CFAP47: variants seen among roughly 807,000 people sequenced by gnomAD.
CFAP47 encodes the protein cilia and flagella associated protein 47, also known as cilia- and flagella-associated protein 47.
CFAP47 carries 29 observed loss-of-function variants against 148.1 expected under a neutral mutation model. The observed-to-expected ratio is 0.20, with a 90% confidence interval of 0.15 to 0.27. The LOEUF (loss-of-function observed/expected upper bound fraction) is 0.27. CFAP47 is among the 10% of genes least tolerant of loss of function. The pLI, the probability that CFAP47 is intolerant of heterozygous loss-of-function variation, is 1.00. For missense variants in CFAP47, 1,872 were observed against 1,697.5 expected (o/e 1.10, Z -1.81); for synonymous variants, 664 against 577.3 (o/e 1.15, Z -2.15).
At chrX:36,142,131 T>C (rs1182216338) in intron 35 of CFAP47, among the ~76,000 whole-genome samples, 1 of 112,010 alleles carries the variant, frequency 8.9e-6, no homozygotes, top group Non-Finnish European at 1.9e-5. Context: ...TTATAGTATA[T>C]CATTATGTAC....
At chrX:36,308,962 G>A (rs1356344272) in intron 55 of CFAP47, among the ~76,000 whole-genome samples, 1 of 111,320 alleles carries the variant, frequency 9.0e-6, no homozygotes, top group Non-Finnish European at 1.9e-5. Context: ...TGATTAATTT[G>A]GTCAGGACAT....
At position 36,190,040 on chromosome X, in the gene CFAP47, T is replaced by C; in HGVS notation, c.6176-11T>C. The stretch of plus-strand genomic sequence containing the variant: ...ATTATATGTCAACAAGCTCTGTTTA[T>C]GTTTTGCTAGCAATTAAGTCCACTT... On this transcript the variant is annotated splice_polypyrimidine_tract_variant and intron_variant, in intron 41 of 63. Transcript: ENST00000378653. The C allele has an allele frequency of 6.7e-6, 2 of 297,714 alleles. No homozygotes were observed. Among genetic ancestry groups the C allele is most frequent in the Non-Finnish European group, 1.2e-5 (2 of 169,974 alleles). The allele number at this position is 297,714 out of a possible 1,213,427, so 24.5% of individuals were successfully genotyped here.
chrX:36,181,340 G>C (rs1009335723), intron 40 of CFAP47, among the ~76,000 whole-genome samples: 2 of 111,211 alleles, frequency 1.8e-5, no homozygotes, highest in African/African-American at 6.6e-5. Context: ...AAAGCTGCAA[G>C]TAAGGTTATC....
chrX:35,967,739 G>C lies in CFAP47; in HGVS notation c.1721G>C (p.Arg574Pro). 8.3e-7 allele frequency: 1 copy of C among 1,208,609 alleles called. No homozygotes were observed. The highest frequency in any genetic ancestry group is 1.8e-5 in the South Asian group (1 of 56,872). The change falls in exon 10 of 64, where the codon CGC (arginine) becomes CCC (proline). Residue 574 changes from arginine to proline, a missense_variant. By Grantham distance (103) the Arg-to-Pro change is moderately radical. Transcript: ENST00000378653. ...GCCATGACACGCACTCACAATCATC[G>C]CTCATGTGAAGAGCCAGTGAAGGAT... ...QSAMTRTHNH[R>P]SCEEPVKDML...
chrX:35,988,120 T>C (rs914895789), intron 15 of CFAP47, among the ~76,000 whole-genome samples: 5 of 111,465 alleles, frequency 4.5e-5, no homozygotes, highest in Admixed American at 9.5e-5. Flanking sequence ...CCTTTTTACA[T>C]TGAGAAAGGC....
At chrX:35,932,652 C>T (rs1297113659) in intron 2 of CFAP47, among the ~76,000 whole-genome samples, 1 of 106,648 alleles carries the variant, frequency 9.4e-6, no homozygotes, top group Non-Finnish European at 1.9e-5. Context: ...TTTTGAGACG[C>T]AGTCTCACTC....
At chrX:36,374,509 A>C (rs1269766672) in intron 62 of CFAP47, among the ~76,000 whole-genome samples, 5 of 110,212 alleles carry the variant, frequency 4.5e-5, no homozygotes, top group African/African-American at 1.6e-4. Flanking sequence ...AATTTCTATG[A>C]CTTTTCTATT....
chrX:36,261,678 G>A (rs1296042081), intron 49 of CFAP47, among the ~76,000 whole-genome samples: 1 of 110,812 alleles, frequency 9.0e-6, no homozygotes, highest in Non-Finnish European at 1.9e-5. Context: ...CAAGGCAGAA[G>A]AATTTTTCTT....
intron 49 of CFAP47, among the ~76,000 whole-genome samples, chrX:36,273,148 A>T (rs1569305556): frequency 9.0e-6 from 1 of 111,697 alleles, no homozygotes. Flanking sequence ...TAAATATTTT[A>T]AAAATTATTT....
Position 36,369,760 on chromosome X carries a change from A to G in CFAP47, c.9185+2633A>G, listed in dbSNP as rs138680952. 6.6e-3 allele frequency among the ~76,000 whole-genome samples: 734 copies of G among 111,647 alleles called. 5 individuals are homozygous for G. Among genetic ancestry groups the G allele is most frequent in the African/African-American group, 0.017 (533 of 30,716 alleles). ...AGCATATTCCGAGAGAAGCACGTAG[A>G]AGATGCATGGCATTTTCTGACCTAC... On this transcript the variant is annotated intron_variant, in intron 62 of 63. Transcript: ENST00000378653.
chrX:36,086,033 C>A (rs950489938), intron 30 of CFAP47, among the ~76,000 whole-genome samples: 5 of 111,598 alleles, frequency 4.5e-5, no homozygotes, highest in African/African-American at 1.6e-4. Context: ...ATTTCTCAGA[C>A]TATTATTAGT....
At chrX:36,312,060 A>G (rs1221084625) in intron 56 of CFAP47, among the ~76,000 whole-genome samples, 1 of 110,958 alleles carries the variant, frequency 9.0e-6, no homozygotes. Context: ...TTAAGATGGA[A>G]AAGACTTGAG....
intron 57 of CFAP47, among the ~76,000 whole-genome samples, chrX:36,347,357 G>A (rs998383783): frequency 4.5e-5 from 5 of 111,936 alleles, no homozygotes; most frequent in African/African-American, 1.6e-4. Flanking sequence ...CTCAACCTTT[G>A]TGGACGACAG....
intron 57 of CFAP47, among the ~76,000 whole-genome samples, chrX:36,324,538 T>C (rs975522728): frequency 1.8e-5 from 2 of 111,739 alleles, no homozygotes; most frequent in South Asian, 7.4e-4. Flanking sequence ...TGGGCTAGTT[T>C]CTATCCTGTA....
intron 60 of CFAP47, among the ~76,000 whole-genome samples, chrX:36,360,073 T>C (rs1941816344): frequency 8.9e-6 from 1 of 111,790 alleles, no homozygotes; most frequent in Non-Finnish European, 1.9e-5. Context: ...TGGCCTTTTG[T>C]TTTCTTTTAG....
chrX:36,303,137 A>G (rs1331189692), intron 53 of CFAP47, among the ~76,000 whole-genome samples: 1 of 111,656 alleles, frequency 9.0e-6, no homozygotes, highest in Admixed American at 9.5e-5. Flanking sequence ...TCCTTCTGAA[A>G]CCTGTAAGGG....
chrX:36,328,816 C>CAAAAAAAAA (rs782618340), intron 57 of CFAP47, among the ~76,000 whole-genome samples: 1 of 56,459 alleles, frequency 1.8e-5, no homozygotes, highest in African/African-American at 6.9e-5. Context: ...GACTCTGTCT[C>CAAAAAAAAA]AAAAAAAAAA....
chrX:36,137,017 G>A (rs2146829779), intron 33 of CFAP47, among the ~76,000 whole-genome samples: 1 of 111,184 alleles, frequency 9.0e-6, no homozygotes, highest in South Asian at 3.7e-4. Flanking sequence ...AAAAAGTACT[G>A]GACATTGTCT....
chrX:36,240,543 A>C (rs782291529), intron 48 of CFAP47, among the ~76,000 whole-genome samples: 1 of 111,680 alleles, frequency 9.0e-6, no homozygotes, highest in Non-Finnish European at 1.9e-5. Flanking sequence ...AGAAATAATC[A>C]TCAAACTTTA....
Sources: gnomAD v4.1 joint callset for allele counts (sites outside exome capture counted in the v4.1 genomes callset) on GRCh38, gnomAD v4.1.1 for gene constraint, MANE v1.5 for transcripts, NCBI Gene and HGNC (gene_info 2026-07-23, HGNC 2026-07-21) for gene names.